The following ERC2 variants were observed in gnomAD, a reference collection of about 807,000 sequenced individuals.
ERC2 encodes ELKS/RAB6-interacting/CAST family member 2, also known as ERC protein 2.
In ERC2, 42 loss-of-function variants were observed where a neutral mutation model predicts 114.8. That is an observed-to-expected ratio of 0.37 (90% CI 0.29 to 0.47). ERC2 has a LOEUF of 0.47. Among genes scored for constraint, ERC2 ranks in the 20% least tolerant of loss-of-function variants. The probability of loss-of-function intolerance (pLI) is 0.99; values close to 1 mark genes in which losing one functional copy is unlikely to be tolerated. For synonymous variants in ERC2, 454 were observed against 425.5 expected (o/e 1.07, Z -0.82); for missense variants, 939 against 1,150.7 (o/e 0.82, Z 2.66).
At chr3:55,571,496 C>T (rs779036689) in intron 17 of ERC2, among the ~76,000 whole-genome samples, 2 of 152,184 alleles carry the variant, frequency 1.3e-5, no homozygotes, top group Non-Finnish European at 2.9e-5. Context: ...GGACCAAGCA[C>T]CAGACAGTGA....
chr3:55,955,216 G>T, intron 12 of ERC2: 1 of 504,252 alleles, frequency 2.0e-6, no homozygotes, highest in East Asian at 5.6e-5. Context: ...GGAGGAAATG[G>T]GATCTTCAAT....
At chr3:55,782,208 C>T (rs2069114291) in intron 14 of ERC2, among the ~76,000 whole-genome samples, 1 of 152,024 alleles carries the variant, frequency 6.6e-6, no homozygotes, top group African/African-American at 2.4e-5. Context: ...TGTGTCAGGC[C>T]GACATTCTTG....
chr3:56,117,250 G>A lies in ERC2; in HGVS notation c.1473+22259C>T, dbSNP rs559111203. 8.5e-5 allele frequency among the ~76,000 whole-genome samples: 13 copies of A among 152,280 alleles called. No individual in the cohort carries two copies. In the South Asian group the frequency reaches 2.7e-3, roughly 32 times the overall value. On this transcript the variant is annotated intron_variant, in intron 6 of 17. Coordinates refer to ENST00000288221, the MANE Select transcript of ERC2 (RefSeq NM_015576.3). ...GAGAGTGGATGCTTAATGGTCACTAGACTGAATAAATAATTCTAGTCATGT... is the reference window on the plus strand; with the variant it reads ...GAGAGTGGATGCTTAATGGTCACTAAACTGAATAAATAATTCTAGTCATGT...
intron 3 of ERC2, among the ~76,000 whole-genome samples, chr3:56,284,048 C>T (rs2054523098): frequency 6.6e-6 from 1 of 152,216 alleles, no homozygotes. Context: ...CTAATTCACA[C>T]TGGCAGTTGA....
chr3:56,293,075 G>A (rs116209783), intron 3 of ERC2, among the ~76,000 whole-genome samples: 1,789 of 152,206 alleles, frequency 0.012, 30 homozygotes, highest in African/African-American at 0.041. Flanking sequence ...ATCCAACGAA[G>A]GAATGAATGG....
chr3:55,672,736 A>G (rs548693033), intron 17 of ERC2, among the ~76,000 whole-genome samples: 1 of 152,178 alleles, frequency 6.6e-6, no homozygotes, highest in Non-Finnish European at 1.5e-5. Flanking sequence ...AGGCCCCCTC[A>G]GTGTTTGTCA....
rs530161766 is a variant in ERC2, at chr3:55,735,047, C to T, written c.2565-129G>A. 4.0e-6 allele frequency: 4 copies of T among 1,003,464 alleles called. No homozygotes were observed. In the Admixed American group the frequency reaches 1.2e-4, roughly 31 times the overall value. 62.2% of individuals were successfully genotyped at this position (1,003,464 alleles called of 1,614,324 possible). On this transcript the variant is annotated intron_variant, in intron 14 of 17. Coordinates refer to ENST00000288221, the MANE Select transcript of ERC2 (RefSeq NM_015576.3). ...AAGAAATTATGAATACTACTTAAAACAAACTAGCTCTTTGGCTTTCAGAAT... is the reference window on the plus strand; with the variant it reads ...AAGAAATTATGAATACTACTTAAAATAAACTAGCTCTTTGGCTTTCAGAAT...
intron 14 of ERC2, among the ~76,000 whole-genome samples, chr3:55,843,194 T>C (rs1299822069): frequency 6.6e-6 from 1 of 152,212 alleles, no homozygotes; most frequent in Admixed American, 6.5e-5. Flanking sequence ...GAGAGGAATA[T>C]GGTCTCCATT....
At chr3:55,921,755 C>G (rs940934072) in intron 13 of ERC2, among the ~76,000 whole-genome samples, 3 of 151,998 alleles carry the variant, frequency 2.0e-5, no homozygotes, top group African/African-American at 7.2e-5. Context: ...ATTCTTATAA[C>G]TGAAAAATCA....
At position 56,435,047 on chromosome 3, in the gene ERC2, C is replaced by A; in HGVS notation, c.-40G>T. ...GAGGTGTTACTGAAGAGAAGAAATG[C>A]TATATTAAGTTGGGGTTTGAGCTAA... On this transcript the variant is annotated 5_prime_UTR_variant, in exon 2 of 18. Transcript: ENST00000288221. 6.7e-7 allele frequency: 1 copy of A among 1,486,732 alleles called. No individual in the cohort carries two copies. The highest frequency in any genetic ancestry group is 1.3e-5 in the South Asian group (1 of 78,948). 92.1% of individuals were successfully genotyped at this position (1,486,732 alleles called of 1,614,324 possible).
intron 2 of ERC2, among the ~76,000 whole-genome samples, chr3:56,413,627 C>A (rs967079885): frequency 1.3e-5 from 2 of 152,158 alleles, no homozygotes; most frequent in Admixed American, 6.5e-5. Flanking sequence ...GGCATTCAGA[C>A]ACCAAAACCC....
chr3:56,207,898 C>T (rs561596381), intron 3 of ERC2, among the ~76,000 whole-genome samples: 3 of 152,258 alleles, frequency 2.0e-5, no homozygotes, highest in African/African-American at 7.2e-5. Context: ...GTCTAGAAAA[C>T]TTCTCAATTC....
At chr3:55,925,020 A>G (rs1448161770) in intron 13 of ERC2, among the ~76,000 whole-genome samples, 1 of 152,198 alleles carries the variant, frequency 6.6e-6, no homozygotes, top group African/African-American at 2.4e-5. Context: ...AAGGTTATTT[A>G]ATCTGTTGCC....
intron 14 of ERC2, among the ~76,000 whole-genome samples, chr3:55,857,084 G>C (rs1190041182): frequency 3.3e-5 from 5 of 152,118 alleles, no homozygotes; most frequent in Non-Finnish European, 7.4e-5. Flanking sequence ...TCTAGAATTA[G>C]ATAGTGGTGA....
intron 2 of ERC2, among the ~76,000 whole-genome samples, chr3:56,301,768 A>G (rs2055895211): frequency 6.6e-6 from 1 of 152,170 alleles, no homozygotes; most frequent in African/African-American, 2.4e-5. Context: ...GACAATTTCA[A>G]TTATAAAATA....
chr3:56,294,018 T>G (rs533653973), intron 3 of ERC2, among the ~76,000 whole-genome samples: 332 of 152,324 alleles, frequency 2.2e-3, no homozygotes, highest in African/African-American at 7.5e-3. Context: ...CCCCTTGGCA[T>G]CAAAATAAAA....
intron 2 of ERC2, among the ~76,000 whole-genome samples, chr3:56,387,555 A>T (rs2059978019): frequency 6.6e-6 from 1 of 152,204 alleles, no homozygotes; most frequent in African/African-American, 2.4e-5. Context: ...GGTCAGGCAG[A>T]TGCAGGACAA....
intron 7 of ERC2, among the ~76,000 whole-genome samples, chr3:56,031,154 C>G (rs952847770): frequency 7.2e-5 from 11 of 152,292 alleles, no homozygotes; most frequent in African/African-American, 2.6e-4. Context: ...CTGCCCCAGC[C>G]CAGGTCAGCC....
At chr3:56,032,951 G>C (rs60599734) in intron 7 of ERC2, among the ~76,000 whole-genome samples, 2 of 56,800 alleles carry the variant, frequency 3.5e-5, no homozygotes, top group East Asian at 1.0e-3. Flanking sequence ...AAGAAAGAAA[G>C]AAAGAAACAG....
Sources: allele counts gnomAD v4.1 joint callset (sites outside exome capture counted in the v4.1 genomes callset), GRCh38; gene constraint gnomAD v4.1.1; transcripts MANE v1.5; gene names NCBI Gene and HGNC (gene_info 2026-07-23, HGNC 2026-07-21).